The following STXBP6 variants were observed in gnomAD, a reference collection of about 807,000 sequenced individuals.
STXBP6 encodes syntaxin-binding protein 6.
In STXBP6, 21 loss-of-function variants were observed where a neutral mutation model predicts 26.9. The ratio of observed to expected loss-of-function variants is 0.78; its 90% CI spans 0.55 to 1.12. The LOEUF (loss-of-function observed/expected upper bound fraction) is 1.12. Ranked by LOEUF, STXBP6 falls within the 50% of genes most tolerant of loss-of-function variation. The probability of loss-of-function intolerance (pLI) is 0.00; values close to 1 mark genes in which losing one functional copy is unlikely to be tolerated. For missense variants in STXBP6, 232 were observed against 257.9 expected, an observed-to-expected ratio of 0.90 and a Z score of 0.69; for synonymous variants, 97 against 92.6, an observed-to-expected ratio of 1.05 and a Z score of -0.27.
chr14:24,890,567 T>C (rs1481100921), intron 2 of STXBP6, among the ~76,000 whole-genome samples: 1 of 152,148 alleles, frequency 6.6e-6, no homozygotes, highest in Non-Finnish European at 1.5e-5. Context: ...CACTCCTAGA[T>C]ATATTACTGT....
At chr14:24,817,097 A>G (rs1412662420) in intron 5 of STXBP6, 1 of 152,262 alleles carries the variant, frequency 6.6e-6, no homozygotes, top group Non-Finnish European at 1.5e-5. Context: ...AGAGAAATTA[A>G]GCATTTGCCC....
chr14:24,927,145 G>A (rs6650491), intron 2 of STXBP6, among the ~76,000 whole-genome samples: 36,901 of 152,066 alleles, frequency 0.24, 4,716 homozygotes, highest in African/African-American at 0.33. Flanking sequence ...GGTATTGCAT[G>A]GAGAATTAGG....
chr14:24,938,145 C>T (rs1371372819), intron 2 of STXBP6, among the ~76,000 whole-genome samples: 2 of 152,178 alleles, frequency 1.3e-5, no homozygotes, highest in Non-Finnish European at 2.9e-5. Context: ...GCTGTCTGAA[C>T]TGAAAAACAC....
chr14:24,932,733 A>T (rs1171497764), intron 2 of STXBP6, among the ~76,000 whole-genome samples: 1 of 152,210 alleles, frequency 6.6e-6, no homozygotes, highest in Non-Finnish European at 1.5e-5. Context: ...AGGTAGAACC[A>T]ACAACTCTTG....
intron 1 of STXBP6, among the ~76,000 whole-genome samples, chr14:25,009,291 T>C (rs2074977570): frequency 6.6e-6 from 1 of 152,206 alleles, no homozygotes. Flanking sequence ...AACCTAAACA[T>C]ACAGCTTTGA....
chr14:25,001,604 T>G (rs774745925), intron 1 of STXBP6, among the ~76,000 whole-genome samples: 1 of 152,234 alleles, frequency 6.6e-6, no homozygotes. Context: ...TCTCTCTGCT[T>G]ATATTACCCA....
rs2067857513 is a variant in STXBP6, at chr14:24,812,726, T to A, written c.616A>T (p.Met206Leu). The change falls in exon 6 of 6, where the codon ATG becomes TTG. Residue 206 changes from methionine (M) to leucine (L), a missense_variant. Transcript: ENST00000323944. ...QFAETAHKLA[M>L]KHKC ...GCAGTTTCTCAACATTTGTGCTTCA[T>A]GGCAAGCTAAGGAGAGAGAGGAATG... 1 of 1,613,804 alleles carries A rather than the reference T, an allele frequency of 6.2e-7. No homozygotes were observed. The highest frequency in any genetic ancestry group is 8.5e-7 in the Non-Finnish European group (1 of 1,179,756).
intron 1 of STXBP6, among the ~76,000 whole-genome samples, chr14:24,998,144 G>C (rs1339693099): frequency 1.3e-5 from 2 of 152,110 alleles, no homozygotes; most frequent in African/African-American, 4.8e-5. Context: ...TAGTGTGTAA[G>C]ACTGCATTTT....
At chr14:24,896,552 T>C (rs1319748525) in intron 2 of STXBP6, among the ~76,000 whole-genome samples, 1 of 152,172 alleles carries the variant, frequency 6.6e-6, no homozygotes, top group East Asian at 1.9e-4. Context: ...CATATTAAGA[T>C]TTGAGAACCA....
At chr14:24,880,336 T>C (rs1381933262) in intron 2 of STXBP6, among the ~76,000 whole-genome samples, 2 of 152,164 alleles carry the variant, frequency 1.3e-5, no homozygotes, top group African/African-American at 4.8e-5. Context: ...ATTGTGAAAA[T>C]TTTCCAGAGA....
intron 2 of STXBP6, among the ~76,000 whole-genome samples, chr14:24,913,679 C>T (rs973286531): frequency 6.6e-5 from 10 of 152,118 alleles, no homozygotes; most frequent in Admixed American, 3.9e-4. Flanking sequence ...AGTGAATTTG[C>T]TTTGCTATAG....
At chr14:24,888,598 G>A (rs917592270) in intron 2 of STXBP6, among the ~76,000 whole-genome samples, 37 of 151,862 alleles carry the variant, frequency 2.4e-4, no homozygotes, top group African/African-American at 8.2e-4. Context: ...CAGCATGTGC[G>A]TGTAATCCCT....
At chr14:25,046,838 C>T (rs972388080) in intron 1 of STXBP6, among the ~76,000 whole-genome samples, 2 of 152,204 alleles carry the variant, frequency 1.3e-5, no homozygotes, top group Non-Finnish European at 2.9e-5. Flanking sequence ...AGCTAGGTTA[C>T]ACAGGACACC....
intron 2 of STXBP6, among the ~76,000 whole-genome samples, chr14:24,873,559 G>T (rs1392390135): frequency 6.6e-6 from 1 of 152,170 alleles, no homozygotes; most frequent in Non-Finnish European, 1.5e-5. Context: ...ATTGGTTTGG[G>T]ATTCTAATGA....
At chr14:24,924,612 T>C (rs2072097076) in intron 2 of STXBP6, among the ~76,000 whole-genome samples, 1 of 152,150 alleles carries the variant, frequency 6.6e-6, no homozygotes. Context: ...ATTTGGTGTT[T>C]CTCCATTCTT....
At chr14:25,012,356 T>C (rs554554132) in intron 1 of STXBP6, among the ~76,000 whole-genome samples, 2 of 152,302 alleles carry the variant, frequency 1.3e-5, no homozygotes, top group East Asian at 3.9e-4. Context: ...CAGTCAGGCA[T>C]GTTGGCTCAC....
intron 2 of STXBP6, among the ~76,000 whole-genome samples, chr14:24,901,291 T>A (rs2071203138): frequency 6.6e-6 from 1 of 152,056 alleles, no homozygotes. Context: ...CACTGTTTTT[T>A]GAGATTGAAA....
At chr14:24,832,044 AT>A (rs796234311) in intron 4 of STXBP6, among the ~76,000 whole-genome samples, 3 of 152,250 alleles carry the variant, frequency 2.0e-5, no homozygotes, top group East Asian at 1.9e-4. Context: ...ATTAAAAAAA[AT>A]ATATGGAAGC....
rs1015763211 is a variant in STXBP6 at position 25,039,656 on chromosome 14, A to G, written c.-33+10222T>C. 7.9e-5 allele frequency among the ~76,000 whole-genome samples: 12 copies of G among 152,082 alleles called. No homozygotes were observed. In the South Asian group the frequency reaches 2.1e-3, roughly 26 times the overall value. On this transcript the variant is annotated intron_variant, in intron 1 of 5. Coordinates refer to ENST00000323944, the MANE Select transcript of STXBP6 (RefSeq NM_001394410.1). ...TCTTCATTTCCTGGAATGCTGTCAG[A>G]AACGCAGAATCCCAAGACCCACCCC... is the stretch of plus-strand genomic sequence containing the variant.
Sources: allele counts gnomAD v4.1 joint callset (sites outside exome capture counted in the v4.1 genomes callset), GRCh38; gene constraint gnomAD v4.1.1; transcripts MANE v1.5; gene names NCBI Gene and HGNC (gene_info 2026-07-23, HGNC 2026-07-21).